OTUD4: variants seen among roughly 807,000 people sequenced by gnomAD.
OTUD4 encodes the protein OTU domain-containing protein 4.
Under a neutral mutation model 130.4 loss-of-function variants are expected in OTUD4, and 24 were observed. The observed-to-expected ratio is 0.18, with a 90% CI of 0.13 to 0.26. OTUD4 has a LOEUF of 0.26. Ranked by LOEUF, OTUD4 falls within the 10% of genes least tolerant of loss-of-function variation. OTUD4 has a pLI of 1.00. For synonymous variants in OTUD4, 420 were observed against 472.5 expected (o/e 0.89, Z 1.44); for missense variants, 1,031 against 1,329.4 (o/e 0.78, Z 3.49).
chr4:145,161,111 A>AAAC (rs70956827), intron 6 of OTUD4, among the ~76,000 whole-genome samples: 5,178 of 150,802 alleles, frequency 0.034, 136 homozygotes, highest in African/African-American at 0.08. Flanking sequence ...CTCCACCTCA[A>AAAC]AACAACAACA....
chr4:145,171,661 G>A lies in OTUD4; in HGVS notation c.294+9C>T, dbSNP rs1334196377. 2.5e-6 allele frequency: 3 copies of A among 1,223,866 alleles called. No homozygotes were observed. Among genetic ancestry groups the A allele is most frequent in the Admixed American group, 1.8e-5 (1 of 56,900 alleles). 75.8% of individuals were successfully genotyped at this position (1,223,866 alleles called of 1,614,324 possible). A position where few individuals can be genotyped will look rare whatever the true frequency, so the allele number is the denominator to read the frequency against. On this transcript the variant is annotated intron_variant, in intron 3 of 20. Coordinates refer to ENST00000447906, the MANE Select transcript of OTUD4 (RefSeq NM_001366057.1). Reference sequence around the variant, plus strand: ...AAAAATAGAAATATACTAGAAGACTGTGACATACCTGTGGATTTTCCAAAC... The same window carrying A: ...AAAAATAGAAATATACTAGAAGACTATGACATACCTGTGGATTTTCCAAAC...
Position 145,150,629 on chromosome 4 carries a change from C to T in OTUD4, c.1143G>A (p.Leu381=). The T allele has an allele frequency of 6.2e-7, 1 of 1,613,128 alleles. No individual in the cohort carries two copies. The change falls in exon 13 of 21, where the codon CTG becomes CTA. Residue 381 remains leucine, a synonymous_variant. Transcript: ENST00000447906. ...GTTGTCTTACTCCTGAAGGATGCTGCAGTCGAGGAGGTAGTGCTGATGGGG... is the reference window on the plus strand; with the variant it reads ...GTTGTCTTACTCCTGAAGGATGCTGTAGTCGAGGAGGTAGTGCTGATGGGG... ...IKAPSALPPR[L]QHPSGVRQHA...
intron 2 of OTUD4, among the ~76,000 whole-genome samples, chr4:145,172,380 G>A (rs531192636): frequency 6.6e-6 from 1 of 152,342 alleles, no homozygotes; most frequent in Admixed American, 6.5e-5. Flanking sequence ...ATACTAGAAA[G>A]AGCGATGAGA....
Position 145,171,650 on chromosome 4 carries a change from A to C in OTUD4, c.294+20T>G. On this transcript the variant is annotated intron_variant, in intron 3 of 20. Coordinates refer to ENST00000447906, the MANE Select transcript of OTUD4 (RefSeq NM_001366057.1). ...TTTGGATATATAAAAATAGAAATAT[A>C]CTAGAAGACTGTGACATACCTGTGG... 9.3e-7 allele frequency: 1 copy of C among 1,070,440 alleles called. No individual in the cohort carries two copies. The highest frequency in any genetic ancestry group is 1.4e-6 in the Non-Finnish European group (1 of 694,320). The allele number at this position is 1,070,440 out of a possible 1,614,324, so 66.3% of individuals were successfully genotyped here.
chr4:145,159,742 C>T (rs1364980254), intron 6 of OTUD4, 107 bp from the exon 7 acceptor site: 1 of 1,024,502 alleles, frequency 9.8e-7, no homozygotes, highest in African/African-American at 1.6e-5. Flanking sequence ...CTTTTAAAAT[C>T]CTGACTAGAT....
At chr4:145,146,126 G>A in intron 14 of OTUD4, 141 bp downstream of exon 14, 1 of 474,548 alleles carries the variant, frequency 2.1e-6, no homozygotes, top group Non-Finnish European at 3.5e-6. Flanking sequence ...GGAAAAATAG[G>A]AAAAATGTGA....
Position 145,138,186 on chromosome 4 carries a change from A to C in OTUD4, c.2589T>G (p.Tyr863Ter). 6.2e-7 allele frequency: 1 copy of C among 1,614,030 alleles called. No individual in the cohort carries two copies. The highest frequency in any genetic ancestry group is 8.5e-7 in the Non-Finnish European group (1 of 1,179,880). Residue 863 changes from tyrosine (Y) to a stop codon, truncating the protein, a stop_gained, in exon 21 of 21, where the codon TAT (tyrosine) becomes TAG (stop). Coordinates refer to ENST00000447906, the MANE Select transcript of OTUD4 (RefSeq NM_001366057.1). LOFTEE classifies it high-confidence loss of function. ...IAPPFFPHVW[Y>*]GYPFQGFIEN... The stretch of plus-strand genomic sequence containing the variant: ...CTATGAATCCCTGAAAAGGGTACCC[A>C]TACCAAACATGAGGAAAGAAAGGAG...
At chr4:145,161,848 C>T (rs1262395597) in intron 6 of OTUD4, among the ~76,000 whole-genome samples, 2 of 152,186 alleles carry the variant, frequency 1.3e-5, no homozygotes, top group African/African-American at 4.8e-5. Context: ...TCAAGCTATA[C>T]ACTAACAGTT....
At chr4:145,168,158 CATACT>C (rs1170581435) in intron 3 of OTUD4, among the ~76,000 whole-genome samples, 2 of 151,734 alleles carry the variant, frequency 1.3e-5, no homozygotes, top group Admixed American at 1.3e-4. Context: ...ACTAATTAAC[CATACT>C]ATAACAAAAT....
intron 7 of OTUD4, among the ~76,000 whole-genome samples, chr4:145,156,422 G>A (rs1401157079): frequency 1.3e-5 from 2 of 152,112 alleles, no homozygotes; most frequent in African/African-American, 4.8e-5. Context: ...GGTGGCTCAC[G>A]CCTGTAATCC....
rs931647668 is a variant in OTUD4, at chr4:145,179,678, G to T, written c.159+137C>A. 10 of 1,405,538 alleles carry T rather than the reference G, an allele frequency of 7.1e-6. No individual in the cohort carries two copies. The South Asian group carries it at 1.1e-4, about 15-fold the overall frequency. The allele number at this position is 1,405,538 out of a possible 1,614,324, so 87.1% of individuals were successfully genotyped here. ...CAGCGTCCCACTCCGGCGTTACAATGGGGCGCTGTGACGACAGCCAGGGCA... is the reference window on the plus strand; with the variant it reads ...CAGCGTCCCACTCCGGCGTTACAATTGGGCGCTGTGACGACAGCCAGGGCA... On this transcript the variant is annotated intron_variant, in intron 1 of 20. Transcript: ENST00000447906.
In OTUD4 at chr4:145,137,578, T is replaced by C. The variant is rs761545253; in HGVS notation, c.3197A>G (p.His1066Arg). 5.0e-6 allele frequency: 8 copies of C among 1,613,556 alleles called. No homozygotes were observed. In the East Asian group the frequency reaches 1.8e-4, roughly 36 times the overall value. The change falls in exon 21 of 21, where the codon CAT (histidine) becomes CGT (arginine). Residue 1066 changes from histidine to arginine, a missense_variant. By Grantham distance (29) the His-to-Arg change is conservative. Coordinates refer to ENST00000447906, the MANE Select transcript of OTUD4 (RefSeq NM_001366057.1). Reference sequence around the variant, plus strand: ...TTTCCAGGACTCCTCACTTCTCACATGTTGATATCCACCCCTACCAGAATA... The same window carrying C: ...TTTCCAGGACTCCTCACTTCTCACACGTTGATATCCACCCCTACCAGAATA... ...WGYSGRGGYQ[H>R]VRSEESWKGQ...
chr4:145,176,658 C>G (rs369870981), intron 1 of OTUD4, among the ~76,000 whole-genome samples: 2 of 152,102 alleles, frequency 1.3e-5, no homozygotes, highest in East Asian at 3.9e-4. Flanking sequence ...GAGATCGTGC[C>G]AGGGCACTCC....
chr4:145,172,248 A>G (rs1478367114), intron 2 of OTUD4, among the ~76,000 whole-genome samples: 6 of 152,250 alleles, frequency 3.9e-5, no homozygotes, highest in Non-Finnish European at 2.9e-5. Flanking sequence ...TATATGATGA[A>G]AGCAGTGCTT....
intron 1 of OTUD4, chr4:145,178,032 T>C (rs1477874658): frequency 2.0e-5 from 3 of 152,354 alleles, no homozygotes; most frequent in African/African-American, 7.2e-5. Context: ...GGTCTTCAGC[T>C]AAGCTCATCA....
rs113568028 is a variant in OTUD4, at chr4:145,137,236, T to C, written c.*194A>G. 2.2e-6 allele frequency: 1 copy of C among 464,670 alleles called. No individual in the cohort carries two copies. Among genetic ancestry groups the C allele is most frequent in the Non-Finnish European group, 3.8e-6 (1 of 264,702 alleles). The allele number at this position is 464,670 out of a possible 1,614,324, so 28.8% of individuals were successfully genotyped here. Reference sequence around the variant, plus strand: ...CAAACAGATTCTGAATGAAGAAAACTGGCAATGCCAGGAATTAACCTGCCC... The same window carrying C: ...CAAACAGATTCTGAATGAAGAAAACCGGCAATGCCAGGAATTAACCTGCCC... On this transcript the variant is annotated 3_prime_UTR_variant, in exon 21 of 21. Transcript: ENST00000447906.
At chr4:145,144,112 T>C in intron 15 of OTUD4, 111 bp from the exon 16 acceptor site, 1 of 1,082,254 alleles carries the variant, frequency 9.2e-7, no homozygotes, top group Non-Finnish European at 1.4e-6. Flanking sequence ...GAACCATGTT[T>C]AGTCAGTGAA....
In OTUD4 at chr4:145,137,286, T is replaced by C. The variant is rs1427400933; in HGVS notation, c.*144A>G. On this transcript the variant is annotated 3_prime_UTR_variant, in exon 21 of 21. Coordinates refer to ENST00000447906, the MANE Select transcript of OTUD4 (RefSeq NM_001366057.1). ...CCCTTGAACTCATGTCCAAAATGTCTTGTCCAGTATGGGAGTGAAGGTAAG... is the reference window on the plus strand; with the variant it reads ...CCCTTGAACTCATGTCCAAAATGTCCTGTCCAGTATGGGAGTGAAGGTAAG... 9 of 650,402 alleles carry C rather than the reference T, an allele frequency of 1.4e-5. No homozygotes were observed. Among genetic ancestry groups the C allele is most frequent in the East Asian group, 7.9e-5 (3 of 37,916 alleles). 40.3% of individuals were successfully genotyped at this position (650,402 alleles called of 1,614,324 possible). A position where few individuals can be genotyped will look rare whatever the true frequency, so the allele number is the denominator to read the frequency against.
chr4:145,151,768 A>C lies in OTUD4; in HGVS notation c.968+773T>G, dbSNP rs530054475. ...AATTTGTATATGTTTAAATTTTTCC[A>C]CAGTAAAGTTTAAGGTGTGACTTAC... On this transcript the variant is annotated intron_variant, in intron 11 of 20. Coordinates refer to ENST00000447906, the MANE Select transcript of OTUD4 (RefSeq NM_001366057.1). Among the ~76,000 whole-genome samples the C allele has an allele frequency of 2.0e-5, 3 of 152,340 alleles. No homozygotes were observed. The East Asian group carries it at 5.8e-4, about 29-fold the overall frequency.
Sources: gnomAD v4.1 joint callset for allele counts (sites outside exome capture counted in the v4.1 genomes callset) on GRCh38, gnomAD v4.1.1 for gene constraint, MANE v1.5 for transcripts, NCBI Gene and HGNC (gene_info 2026-07-23, HGNC 2026-07-21) for gene names.